The following ADCK1 variants were observed in gnomAD, a reference collection of about 807,000 sequenced individuals.
ADCK1 encodes aarF domain containing kinase 1.
In ADCK1, 41 loss-of-function variants were observed where a neutral mutation model predicts 52.3. The observed-to-expected ratio is 0.78, with a 90% CI of 0.61 to 1.02. The LOEUF (loss-of-function observed/expected upper bound fraction) is 1.02. Ranked by LOEUF, ADCK1 falls within the 50% of genes least tolerant of loss-of-function variation. ADCK1 has a pLI of 0.00. For missense variants in ADCK1, 658 were observed against 679.5 expected (o/e 0.97, Z 0.35); for synonymous variants, 250 against 274.6 (o/e 0.91, Z 0.89).
chr14:77,922,904 G>A (rs945500388), intron 7 of ADCK1, among the ~76,000 whole-genome samples: 1 of 152,166 alleles, frequency 6.6e-6, no homozygotes, highest in Non-Finnish European at 1.5e-5. Context: ...AATGGGGTTA[G>A]AATAAACATC....
At chr14:77,927,498 A>G (rs2084225624) in intron 9 of ADCK1, among the ~76,000 whole-genome samples, 1 of 152,230 alleles carries the variant, frequency 6.6e-6, no homozygotes, top group Admixed American at 6.5e-5. Context: ...CCCATGATGA[A>G]CAGGCAGACA....
At chr14:77,890,739 G>T (rs1040004612) in intron 5 of ADCK1, among the ~76,000 whole-genome samples, 1 of 152,192 alleles carries the variant, frequency 6.6e-6, no homozygotes, top group Admixed American at 6.5e-5. Context: ...CCTGATCGGG[G>T]TGAAAAAGAA....
intron 3 of ADCK1, among the ~76,000 whole-genome samples, chr14:77,850,586 A>G (rs543352810): frequency 2.0e-5 from 3 of 150,770 alleles, no homozygotes; most frequent in Admixed American, 6.6e-5. Flanking sequence ...TCTGAAATCA[A>G]TTTTGTCTGC....
intron 4 of ADCK1, among the ~76,000 whole-genome samples, chr14:77,881,998 A>G (rs1224748557): frequency 6.6e-6 from 1 of 152,210 alleles, no homozygotes; most frequent in African/African-American, 2.4e-5. Flanking sequence ...TATCTGGGGC[A>G]GGTCCCTGGG....
At chr14:77,833,669 C>T (rs974545466) in intron 3 of ADCK1, among the ~76,000 whole-genome samples, 1 of 152,172 alleles carries the variant, frequency 6.6e-6, no homozygotes, top group African/African-American at 2.4e-5. Context: ...GGAGTAGGTT[C>T]TTGAGCCTTG....
chr14:77,822,489 T>C lies in ADCK1; in HGVS notation c.190T>C (p.Ser64Pro). 1 of 1,614,058 alleles carries C rather than the reference T, an allele frequency of 6.2e-7. No individual in the cohort carries two copies. The highest frequency in any genetic ancestry group is 8.5e-7 in the Non-Finnish European group (1 of 1,179,966). ...TTCCCTGAAGAGTGTCCCTTATGGCTCAGAGGAGTACTTGCAGCTGAGATC... is the reference window on the plus strand; with the variant it reads ...TTCCCTGAAGAGTGTCCCTTATGGCCCAGAGGAGTACTTGCAGCTGAGATC... ...LTSLKSVPYG[S>P]EEYLQLRSKV... The change falls in exon 3 of 11, where the codon TCA (serine) becomes CCA (proline). Residue 64 changes from serine to proline, a missense_variant. By Grantham distance (74) the Ser-to-Pro change is moderately conservative (BLOSUM62 -1). Transcript: ENST00000238561.
At chr14:77,887,437 G>C (rs939773381) in intron 5 of ADCK1, among the ~76,000 whole-genome samples, 188 bp downstream of exon 5, 3 of 152,102 alleles carry the variant, frequency 2.0e-5, no homozygotes, top group Non-Finnish European at 4.4e-5. Flanking sequence ...CCCTGTGGCA[G>C]CATGGGTTAG....
intron 9 of ADCK1, among the ~76,000 whole-genome samples, chr14:77,927,305 C>G (rs1156572343): frequency 1.3e-5 from 2 of 152,240 alleles, no homozygotes; most frequent in Non-Finnish European, 2.9e-5. Flanking sequence ...GCTTCTACAG[C>G]CTTGAAGCCC....
At chr14:77,830,249 G>T (rs535329550) in intron 3 of ADCK1, among the ~76,000 whole-genome samples, 2 of 151,304 alleles carry the variant, frequency 1.3e-5, no homozygotes, top group East Asian at 2.0e-4. Context: ...TGCTTCGCAG[G>T]TTCAAGCGAT....
At chr14:77,848,039 G>T (rs998028393) in intron 3 of ADCK1, among the ~76,000 whole-genome samples, 2 of 152,172 alleles carry the variant, frequency 1.3e-5, no homozygotes, top group African/African-American at 2.4e-5. Context: ...GTGGGTAGTG[G>T]CCACCTGGAT....
chr14:77,926,785 G>A (rs1369315988), intron 9 of ADCK1, among the ~76,000 whole-genome samples: 3 of 152,052 alleles, frequency 2.0e-5, no homozygotes, highest in Non-Finnish European at 4.4e-5. Context: ...GAGACACATC[G>A]GGAGCACCTC....
At chr14:77,884,080 A>G (rs3825690) in intron 4 of ADCK1, among the ~76,000 whole-genome samples, 22,729 of 152,234 alleles carry the variant, frequency 0.15, 2,138 homozygotes, top group African/African-American at 0.26. Context: ...CTCTTCAGTT[A>G]CAATGACTCT....
intron 3 of ADCK1, among the ~76,000 whole-genome samples, chr14:77,854,795 G>C (rs1008021819): frequency 2.0e-5 from 3 of 152,138 alleles, no homozygotes; most frequent in Non-Finnish European, 4.4e-5. Flanking sequence ...CTGACCTCAG[G>C]TGATCCACCT....
At chr14:77,907,509 C>T (rs1285999789) in intron 6 of ADCK1, among the ~76,000 whole-genome samples, 1 of 152,232 alleles carries the variant, frequency 6.6e-6, no homozygotes, top group Non-Finnish European at 1.5e-5. Flanking sequence ...ACATTTTCCT[C>T]CCAAGTCCCA....
rs552323884 is a variant in ADCK1, at chr14:77,891,034, G to A, written c.582+3785G>A. Among the ~76,000 whole-genome samples, 4 of 152,298 alleles carry A rather than the reference G, an allele frequency of 2.6e-5. No homozygotes were observed. The South Asian group carries it at 8.3e-4, about 32-fold the overall frequency. On this transcript the variant is annotated intron_variant, in intron 5 of 10. Coordinates refer to ENST00000238561, the MANE Select transcript of ADCK1 (RefSeq NM_020421.4). ...TTCGAGCCCAGTGGAAGGTGGGAAGGCTGGGTACAGATGAGTGTGTGGGGC... is the reference window on the plus strand; with the variant it reads ...TTCGAGCCCAGTGGAAGGTGGGAAGACTGGGTACAGATGAGTGTGTGGGGC...
chr14:77,924,987 A>G (rs192861418), intron 8 of ADCK1, among the ~76,000 whole-genome samples: 279 of 152,290 alleles, frequency 1.8e-3, no homozygotes, highest in Non-Finnish European at 3.0e-3. Context: ...AGGATATACT[A>G]CCTAGTGGGA....
At chr14:77,932,509 A>C (rs1022205903) in intron 10 of ADCK1, among the ~76,000 whole-genome samples, 8 of 152,210 alleles carry the variant, frequency 5.3e-5, no homozygotes, top group Admixed American at 4.6e-4. Flanking sequence ...TTCTCACTCA[A>C]GAGAGAAAGC....
chr14:77,920,673 A>C (rs1049026248), intron 7 of ADCK1, among the ~76,000 whole-genome samples: 8 of 152,126 alleles, frequency 5.3e-5, no homozygotes, highest in African/African-American at 1.9e-4. Context: ...TTTAGAGAGA[A>C]GGTCTCGCTG....
intron 9 of ADCK1, among the ~76,000 whole-genome samples, chr14:77,929,098 A>G (rs886866874): frequency 1.2e-4 from 18 of 152,168 alleles, no homozygotes; most frequent in Non-Finnish European, 2.1e-4. Context: ...ACCCAGATAG[A>G]TCATAAAGTT....
Sources: allele counts gnomAD v4.1 joint callset (sites outside exome capture counted in the v4.1 genomes callset), GRCh38; gene constraint gnomAD v4.1.1; transcripts MANE v1.5; gene names NCBI Gene and HGNC (gene_info 2026-07-23, HGNC 2026-07-21).